ANKRD28: variants seen among roughly 807,000 people sequenced by gnomAD.
The protein encoded by ANKRD28 is serine/threonine-protein phosphatase 6 regulatory ankyrin repeat subunit A.
In ANKRD28, 44 loss-of-function variants were observed where a neutral mutation model predicts 126.5. The observed-to-expected ratio is 0.35, with a 90% CI of 0.27 to 0.45. The LOEUF is 0.45. Among genes scored for constraint, ANKRD28 ranks in the 20% least tolerant of loss-of-function variants. The pLI, the probability that ANKRD28 is intolerant of heterozygous loss-of-function variation, is 1.00. For synonymous variants in ANKRD28, 442 were observed against 468.5 expected, an observed-to-expected ratio of 0.94 and a Z score of 0.73; for missense variants, 1,110 against 1,316.6, an observed-to-expected ratio of 0.84 and a Z score of 2.43.
At chr3:15,690,465 C>T (rs906286497) in intron 17 of ANKRD28, among the ~76,000 whole-genome samples, 5 of 152,200 alleles carry the variant, frequency 3.3e-5, no homozygotes, top group Non-Finnish European at 7.4e-5. Context: ...GTCATCTTTT[C>T]ATGAGTATAC....
chr3:15,742,192 C>A, intron 4 of ANKRD28, among the ~76,000 whole-genome samples: 1 of 151,982 alleles, frequency 6.6e-6, no homozygotes, highest in Middle Eastern at 3.4e-3. Flanking sequence ...CTCTGCCTGG[C>A]CGCCCATCGT....
chr3:15,776,130 T>C (rs537018149), intron 2 of ANKRD28, among the ~76,000 whole-genome samples: 11 of 152,338 alleles, frequency 7.2e-5, no homozygotes, highest in African/African-American at 2.6e-4. Flanking sequence ...ATAAACACTT[T>C]ACCATATCGT....
chr3:15,682,583 A>G (rs2067659840), intron 21 of ANKRD28, among the ~76,000 whole-genome samples: 1 of 152,232 alleles, frequency 6.6e-6, no homozygotes, highest in Non-Finnish European at 1.5e-5. Flanking sequence ...TGATTGAATG[A>G]CTATATAAAC....
At chr3:15,800,618 G>A, upstream of ANKRD28, among the ~76,000 whole-genome samples, 1 of 152,076 alleles carries the variant, frequency 6.6e-6, no homozygotes, top group East Asian at 1.9e-4. Flanking sequence ...GATCTCTTGA[G>A]AGTCTGCTAA....
At position 15,679,543 on chromosome 3, in the gene ANKRD28, G is replaced by C; in HGVS notation, c.2410C>G (p.Leu804Val). The change falls in exon 22 of 28, where the codon CTG (leucine) becomes GTG (valine). Residue 804 changes from leucine to valine, a missense_variant. Transcript: ENST00000683139. The stretch of plus-strand genomic sequence containing the variant: ...TGGAAAACTTCCTGTTCTAAAAGCA[G>C]TTCTACACATGTCTCGTGACCTAAA... ...CYNGHETCVELLLEQEVFQKT... is the reference protein window; with the variant it reads ...CYNGHETCVEVLLEQEVFQKT... The C allele has an allele frequency of 6.2e-7, 1 of 1,612,796 alleles. No homozygotes were observed. Among genetic ancestry groups the C allele is most frequent in the Non-Finnish European group, 8.5e-7 (1 of 1,179,206 alleles).
chr3:15,695,228 CA>C lies in ANKRD28; in HGVS notation c.1660-15del, dbSNP rs1553594664. 6.4e-7 allele frequency: 1 copy of C among 1,561,316 alleles called. No homozygotes were observed. Among genetic ancestry groups the C allele is most frequent in the African/African-American group, 1.4e-5 (1 of 73,818 alleles). On this transcript the variant is annotated splice_polypyrimidine_tract_variant and intron_variant, in intron 15 of 27. Transcript: ENST00000683139. ...TTCACTTGCAATCTGAAATAAAAGT[CA>C]AAACAAAAATATTTAGCTTGGGAAG... is the stretch of plus-strand genomic sequence containing the variant.
chr3:15,770,564 G>A (rs530403587), intron 2 of ANKRD28, among the ~76,000 whole-genome samples: 36 of 152,152 alleles, frequency 2.4e-4, no homozygotes, highest in Non-Finnish European at 5.0e-4. Flanking sequence ...CATGTGGCTA[G>A]GTCGTAAGAA....
At chr3:15,678,988 G>C (rs1300324266) in intron 23 of ANKRD28, among the ~76,000 whole-genome samples, 1 of 152,162 alleles carries the variant, frequency 6.6e-6, no homozygotes, top group East Asian at 1.9e-4. Flanking sequence ...TTGGGGGGTA[G>C]GGCCCAGACG....
At chr3:15,748,769 TA>T (rs1485411865) in intron 4 of ANKRD28, among the ~76,000 whole-genome samples, 4 of 152,206 alleles carry the variant, frequency 2.6e-5, no homozygotes, top group African/African-American at 4.8e-5. Flanking sequence ...TTCCCTCAAT[TA>T]TTCTCTCAAA....
rs182556183 is a variant in ANKRD28, at chr3:15,840,703, T to A, written c.27+18674A>T. On this transcript the variant is annotated intron_variant, in intron 1 of 27. Coordinates refer to the ANKRD28 transcript ENST00000399451. Reference sequence around the variant, plus strand: ...TAGCATAAAAAGACACATAGATCAGTGGAACACAATAGAGAACCCAGGGAT... The same window carrying A: ...TAGCATAAAAAGACACATAGATCAGAGGAACACAATAGAGAACCCAGGGAT... Among the ~76,000 whole-genome samples, 24 of 152,246 alleles carry A rather than the reference T, an allele frequency of 1.6e-4. No homozygotes were observed. The East Asian group carries it at 4.6e-3, about 29-fold the overall frequency.
At chr3:15,791,644 T>C (rs2060032542) in intron 2 of ANKRD28, among the ~76,000 whole-genome samples, 1 of 151,950 alleles carries the variant, frequency 6.6e-6, no homozygotes, top group African/African-American at 2.4e-5. Flanking sequence ...AAACTGAATC[T>C]AATACAAGAA....
chr3:15,828,350 A>C (rs6807029), intron 1 of ANKRD28, among the ~76,000 whole-genome samples: 101,778 of 151,866 alleles, frequency 0.67, 34,626 homozygotes, highest in East Asian at 0.91. Flanking sequence ...GCCTGTAATC[A>C]CAGCACTTTG....
intron 2 of ANKRD28, among the ~76,000 whole-genome samples, chr3:15,778,006 C>G (rs9840256): frequency 0.024 from 3,703 of 152,140 alleles, 157 homozygotes; most frequent in African/African-American, 0.082. Context: ...TATATTCATT[C>G]GCTTCTAACA....
intron 18 of ANKRD28, among the ~76,000 whole-genome samples, chr3:15,687,344 T>TAC (rs1400830677): frequency 6.6e-6 from 1 of 151,962 alleles, no homozygotes; most frequent in Non-Finnish European, 1.5e-5. Context: ...TATATATATA[T>TAC]ATACATACAG....
At position 15,853,106 on chromosome 3, in the gene ANKRD28, T is replaced by C. The variant is rs963143010; in HGVS notation, c.27+6271A>G. ...TTTGAAAATTAAACCACTTCAACTT[T>C]ACATTGTATACAATATCCCAGTAAC... On this transcript the variant is annotated intron_variant, in intron 1 of 27. Transcript: ENST00000399451. The surrounding 1 kb of genome is among the most constrained non-coding windows in gnomAD (Gnocchi z 4.2). Among the ~76,000 whole-genome samples the C allele has an allele frequency of 1.3e-5, 2 of 152,304 alleles. No homozygotes were observed. The highest frequency in any genetic ancestry group is 3.9e-4 in the East Asian group (2 of 5,182).
intron 1 of ANKRD28, among the ~76,000 whole-genome samples, chr3:15,834,703 AT>A (rs781320021): frequency 7.9e-5 from 12 of 152,212 alleles, no homozygotes; most frequent in African/African-American, 1.2e-4. Context: ...ACCCAGGAAT[AT>A]AAAAATTTTC....
intron 14 of ANKRD28, among the ~76,000 whole-genome samples, chr3:15,701,911 C>G (rs2070687626): frequency 6.6e-6 from 1 of 152,136 alleles, no homozygotes; most frequent in African/African-American, 2.4e-5. Context: ...GAATACTTTA[C>G]AGGCAAAAAC....
chr3:15,856,174 T>G (rs767847819), intron 1 of ANKRD28, among the ~76,000 whole-genome samples: 30 of 151,664 alleles, frequency 2.0e-4, no homozygotes, highest in Non-Finnish European at 5.9e-5. Flanking sequence ...TCTAGCAATC[T>G]GGATTTCTGG....
rs185762296 is a variant in ANKRD28, at chr3:15,693,749, A to T, written c.1761+990T>A. ...GGGAGAGGTGATGGTGTTTCCAAGG[A>T]CTCAAAGGGCAAAGAAGTAGAAAGC... On this transcript the variant is annotated intron_variant, in intron 17 of 27. Transcript: ENST00000683139. 7.9e-5 allele frequency among the ~76,000 whole-genome samples: 12 copies of T among 152,180 alleles called. No homozygotes were observed. In the East Asian group the frequency reaches 2.3e-3, roughly 29 times the overall value.
Sources: gnomAD v4.1 joint callset for allele counts (sites outside exome capture counted in the v4.1 genomes callset) on GRCh38, gnomAD v4.1.1 for gene constraint, Gnocchi (gnomAD v3.1) non-coding constraint, MANE v1.5 for transcripts, NCBI Gene and HGNC (gene_info 2026-07-23, HGNC 2026-07-21) for gene names.